The following RBFOX1 variants were observed in gnomAD, a reference collection of about 807,000 sequenced individuals.
The protein encoded by RBFOX1 is RNA binding protein fox-1 homolog 1.
A neutral mutation model predicts 57.7 loss-of-function variants in RBFOX1; 8 were observed. The ratio of observed to expected loss-of-function variants is 0.14; its 90% CI spans 0.08 to 0.25. The LOEUF (loss-of-function observed/expected upper bound fraction) is 0.25, where lower values mean the gene tolerates loss of function less well. RBFOX1 is among the 10% of genes least tolerant of loss of function. The probability of loss-of-function intolerance (pLI) is 1.00; values close to 1 mark genes in which losing one functional copy is unlikely to be tolerated. For synonymous variants in RBFOX1, 326 were observed against 222.4 expected (o/e 1.47, Z -4.15); for missense variants, 611 against 548.5 (o/e 1.11, Z -1.14).
intron 1 of RBFOX1, among the ~76,000 whole-genome samples, chr16:5,323,939 CGAT>C (rs1567334462): frequency 6.6e-6 from 1 of 152,040 alleles, no homozygotes; most frequent in East Asian, 1.9e-4. Context: ...CTGACAGAGA[CGAT>C]GTTATTTTTG....
chr16:6,105,015 A>G (rs1165920549), intron 1 of RBFOX1, among the ~76,000 whole-genome samples: 1 of 152,194 alleles, frequency 6.6e-6, no homozygotes, highest in Non-Finnish European at 1.5e-5. Flanking sequence ...AGAATGGCTA[A>G]TTTGTTGCTT....
At chr16:6,744,686 A>G (rs139036130) in intron 3 of RBFOX1, among the ~76,000 whole-genome samples, 4 of 152,236 alleles carry the variant, frequency 2.6e-5, no homozygotes, top group African/African-American at 4.8e-5. Flanking sequence ...GCGTAGTGTT[A>G]TTAAACAATG....
intron 3 of RBFOX1, among the ~76,000 whole-genome samples, chr16:5,662,800 C>A (rs2049700425): frequency 6.6e-6 from 1 of 152,212 alleles, no homozygotes; most frequent in East Asian, 1.9e-4. Context: ...GTCCCCTCCA[C>A]TTCTAAGTTG....
At chr16:7,012,621 C>T (rs181710105) in intron 3 of RBFOX1, among the ~76,000 whole-genome samples, 35 of 152,078 alleles carry the variant, frequency 2.3e-4, no homozygotes, top group African/African-American at 8.5e-4. Context: ...GAATTGTGCT[C>T]CAGAAAAAAA....
At chr16:5,866,092 C>G (rs766585554) in intron 3 of RBFOX1, among the ~76,000 whole-genome samples, 4 of 152,136 alleles carry the variant, frequency 2.6e-5, no homozygotes, top group Non-Finnish European at 5.9e-5. Context: ...CTCAGCCTCC[C>G]GAGTAGCTGC....
intron 1 of RBFOX1, among the ~76,000 whole-genome samples, chr16:6,289,901 G>A (rs1288665941): frequency 6.6e-6 from 1 of 152,148 alleles, no homozygotes; most frequent in Admixed American, 6.5e-5. Context: ...GAAAGAGGAG[G>A]GAGAGTAGAG....
intron 2 of RBFOX1, among the ~76,000 whole-genome samples, chr16:6,636,497 C>T (rs1415759333): frequency 1.3e-5 from 2 of 151,818 alleles, no homozygotes; most frequent in African/African-American, 4.8e-5. Flanking sequence ...ATTGGGAGTG[C>T]TCAACCTTTA....
intron 2 of RBFOX1, among the ~76,000 whole-genome samples, chr16:6,636,459 C>A (rs765471555): frequency 6.6e-6 from 1 of 151,960 alleles, no homozygotes; most frequent in African/African-American, 2.4e-5. Context: ...CGTGAGCCAC[C>A]GCACCCGGCT....
At chr16:5,301,988 T>A (rs1215018672) in intron 1 of RBFOX1, among the ~76,000 whole-genome samples, 1 of 152,152 alleles carries the variant, frequency 6.6e-6, no homozygotes, top group Non-Finnish European at 1.5e-5. Flanking sequence ...ATAATTACTT[T>A]AAGCTTCATT....
At chr16:7,612,320 C>CAAAA (rs60248765) in intron 10 of RBFOX1, among the ~76,000 whole-genome samples, 2 of 71,454 alleles carry the variant, frequency 2.8e-5, no homozygotes, top group African/African-American at 1.3e-4. Context: ...GACTCCATCT[C>CAAAA]AAAAAAAAAA....
At chr16:7,377,763 C>T (rs1203537781) in intron 4 of RBFOX1, among the ~76,000 whole-genome samples, 3 of 152,126 alleles carry the variant, frequency 2.0e-5, no homozygotes, top group Non-Finnish European at 4.4e-5. Context: ...CGTCTAGGCC[C>T]CTGCTGTCTC....
chr16:7,042,536 C>G lies in RBFOX1; in HGVS notation c.-15-9521C>G, dbSNP rs79722649. ...CTGCTTACAAAGTTCTGAGAATTAACTAAGCTTATAACTAGGAACTGTTTA... is the reference window on the plus strand; with the variant it reads ...CTGCTTACAAAGTTCTGAGAATTAAGTAAGCTTATAACTAGGAACTGTTTA... On this transcript the variant is annotated intron_variant, in intron 3 of 15. Transcript: ENST00000550418. Among the ~76,000 whole-genome samples, 723 of 152,300 alleles carry G rather than the reference C, an allele frequency of 4.7e-3. 7 individuals are homozygous for G. Among genetic ancestry groups the G allele is most frequent in the African/African-American group, 0.016 (668 of 41,558 alleles).
chr16:7,252,532 G>T (rs1420451316), intron 4 of RBFOX1, among the ~76,000 whole-genome samples: 5 of 152,180 alleles, frequency 3.3e-5, no homozygotes, highest in African/African-American at 1.2e-4. Flanking sequence ...TTCATTAAAA[G>T]TTGGAAGATC....
At chr16:6,184,634 A>T (rs150058703) in intron 1 of RBFOX1, among the ~76,000 whole-genome samples, 3,423 of 152,162 alleles carry the variant, frequency 0.022, 86 homozygotes, top group African/African-American at 0.076. Context: ...ATCTCAGTTC[A>T]CTGCAACCTC....
chr16:7,312,415 G>A (rs532987991), intron 4 of RBFOX1, among the ~76,000 whole-genome samples: 1 of 152,132 alleles, frequency 6.6e-6, no homozygotes, highest in South Asian at 2.1e-4. Flanking sequence ...ACAAAGGAAG[G>A]CAATATGTTA....
intron 3 of RBFOX1, among the ~76,000 whole-genome samples, chr16:6,926,012 A>G (rs190543317): frequency 6.6e-6 from 1 of 152,222 alleles, no homozygotes; most frequent in East Asian, 1.9e-4. Context: ...CTATGCTCAA[A>G]AACCTCAACT....
At chr16:6,897,470 C>A (rs1182419387) in intron 3 of RBFOX1, among the ~76,000 whole-genome samples, 2 of 152,150 alleles carry the variant, frequency 1.3e-5, no homozygotes, top group South Asian at 2.1e-4. Flanking sequence ...CGTGATGTGG[C>A]TTCCCACTGT....
At chr16:6,905,469 C>T (rs1371473052) in intron 3 of RBFOX1, among the ~76,000 whole-genome samples, 3 of 151,440 alleles carry the variant, frequency 2.0e-5, no homozygotes, top group Non-Finnish European at 4.4e-5. Context: ...AGGAGAATGG[C>T]TTGAACCCGG....
intron 2 of RBFOX1, among the ~76,000 whole-genome samples, chr16:6,618,182 A>G (rs1177229742): frequency 6.6e-6 from 1 of 152,118 alleles, no homozygotes; most frequent in Non-Finnish European, 1.5e-5. Context: ...CTGACTCTCC[A>G]GTTCACCTCC....
Sources: gnomAD v4.1 joint callset for allele counts (sites outside exome capture counted in the v4.1 genomes callset) on GRCh38, gnomAD v4.1.1 for gene constraint, MANE v1.5 for transcripts, NCBI Gene and HGNC (gene_info 2026-07-23, HGNC 2026-07-21) for gene names.